GNG12: variants seen among roughly 807,000 people sequenced by gnomAD.
The protein encoded by GNG12 is guanine nucleotide-binding protein G(I)/G(S)/G(O) subunit gamma-12.
For synonymous variants in GNG12, 28 were observed against 29.7 expected, an observed-to-expected ratio of 0.94 and a Z score of 0.19; for missense variants, 69 against 83.8, an observed-to-expected ratio of 0.82 and a Z score of 0.69.
At chr1:67,706,961 A>G (rs970983172) in intron 3 of GNG12, among the ~76,000 whole-genome samples, 4 of 152,130 alleles carry the variant, frequency 2.6e-5, no homozygotes, top group African/African-American at 9.7e-5. Context: ...CGCCTGGCCA[A>G]CTGCTTCAGT....
chr1:67,809,257 C>T (rs1278640635), intron 1 of GNG12, among the ~76,000 whole-genome samples: 1 of 152,124 alleles, frequency 6.6e-6, no homozygotes, highest in Non-Finnish European at 1.5e-5. Context: ...AGAATCTAGA[C>T]ACAGACCTAT....
chr1:67,790,848 T>C (rs560866997), intron 1 of GNG12, among the ~76,000 whole-genome samples: 1 of 152,126 alleles, frequency 6.6e-6, no homozygotes, highest in South Asian at 2.1e-4. Context: ...ACTCCTGACC[T>C]CGTGATCTAC....
At chr1:67,770,005 C>T (rs1261906405) in intron 2 of GNG12, among the ~76,000 whole-genome samples, 4 of 152,080 alleles carry the variant, frequency 2.6e-5, no homozygotes, top group Admixed American at 2.6e-4. Context: ...AAGCTCCTCA[C>T]CAGATGAAGG....
At chr1:67,832,789 A>C (rs1647055674) in intron 1 of GNG12, among the ~76,000 whole-genome samples, 1 of 148,162 alleles carries the variant, frequency 6.7e-6, no homozygotes, top group African/African-American at 2.5e-5. Context: ...AGCGGATTCC[A>C]AGGCTGCGCT....
intron 2 of GNG12, among the ~76,000 whole-genome samples, chr1:67,709,976 ATATATATATAGT>A (rs1646277421): frequency 6.3e-5 from 1 of 15,836 alleles, no homozygotes; most frequent in African/African-American, 2.2e-4. Flanking sequence ...ATATATAGTT[ATATATATATAGT>A]TATATATATA....
chr1:67,759,569 A>G (rs190758088), intron 2 of GNG12, among the ~76,000 whole-genome samples: 1 of 152,316 alleles, frequency 6.6e-6, no homozygotes, highest in African/African-American at 2.4e-5. Flanking sequence ...CATAAGAACT[A>G]TATGTACCTC....
intron 2 of GNG12, among the ~76,000 whole-genome samples, chr1:67,767,918 C>A (rs984641642): frequency 1.3e-5 from 2 of 152,174 alleles, no homozygotes; most frequent in African/African-American, 2.4e-5. Flanking sequence ...CCATTTATCA[C>A]AAAAAACAGT....
At chr1:67,707,762 T>A in intron 2 of GNG12, 50 bp from the exon 3 acceptor site, 1 of 855,388 alleles carries the variant, frequency 1.2e-6, no homozygotes, top group Non-Finnish European at 1.9e-6. Context: ...TTAAGTTATT[T>A]AAACATTCAT....
chr1:67,787,067 G>GTATA (rs201791724), intron 1 of GNG12, among the ~76,000 whole-genome samples: 2 of 146,000 alleles, frequency 1.4e-5, no homozygotes, highest in African/African-American at 5.4e-5. Context: ...GTGTGTGTGT[G>GTATA]TGTATAGTCC....
intron 1 of GNG12, among the ~76,000 whole-genome samples, chr1:67,807,498 GA>G (rs951142889): frequency 2.0e-5 from 3 of 148,164 alleles, no homozygotes; most frequent in Admixed American, 6.7e-5. Context: ...AAATTAAACA[GA>G]AAAAAAAATT....
intron 2 of GNG12, among the ~76,000 whole-genome samples, chr1:67,716,706 C>T (rs2100682646): frequency 6.6e-6 from 1 of 152,300 alleles, no homozygotes; most frequent in East Asian, 1.9e-4. Context: ...CAGCCAGAAG[C>T]ACTGAATACA....
chr1:67,767,418 A>G (rs1646647790), intron 2 of GNG12, among the ~76,000 whole-genome samples: 1 of 152,192 alleles, frequency 6.6e-6, no homozygotes, highest in African/African-American at 2.4e-5. Flanking sequence ...GTGAAAGGGA[A>G]CAAACTCCTC....
chr1:67,732,177 A>G (rs1242753477), intron 2 of GNG12, among the ~76,000 whole-genome samples: 1 of 152,266 alleles, frequency 6.6e-6, no homozygotes, highest in Non-Finnish European at 1.5e-5. Flanking sequence ...AAAAAAATGC[A>G]GTCATAAAGG....
At chr1:67,773,055 T>A (rs1646684159) in intron 2 of GNG12, among the ~76,000 whole-genome samples, 4 of 152,168 alleles carry the variant, frequency 2.6e-5, no homozygotes, top group African/African-American at 9.7e-5. Flanking sequence ...AGCATGGCCA[T>A]CCTAATCATA....
At chr1:67,741,289 C>G (rs189177460) in intron 2 of GNG12, among the ~76,000 whole-genome samples, 53 of 152,376 alleles carry the variant, frequency 3.5e-4, no homozygotes, top group African/African-American at 1.2e-3. Context: ...CCTGGCCATT[C>G]TGATTGCACA....
At chr1:67,764,725 A>G (rs1191027691) in intron 2 of GNG12, among the ~76,000 whole-genome samples, 1 of 152,198 alleles carries the variant, frequency 6.6e-6, no homozygotes, top group Non-Finnish European at 1.5e-5. Context: ...TCCTTCAATA[A>G]CCGGGGTGGT....
chr1:67,768,345 G>A (rs946808920), intron 2 of GNG12, among the ~76,000 whole-genome samples: 1 of 152,178 alleles, frequency 6.6e-6, no homozygotes, highest in South Asian at 2.1e-4. Context: ...GTGCCATGCT[G>A]CCTCAGCAGC....
chr1:67,759,928 ATACTGATACCCTG>A (rs1466531083), intron 2 of GNG12, among the ~76,000 whole-genome samples: 1 of 152,186 alleles, frequency 6.6e-6, no homozygotes, highest in Non-Finnish European at 1.5e-5. Flanking sequence ...TTTTAACCTG[ATACTGATACCCTG>A]TCCACTCTAC....
At position 67,701,505 on chromosome 1, in the gene GNG12, C is replaced by CAAGT. The variant is rs2100657004; in HGVS notation, c.*3942_*3945dup. On this transcript the variant is annotated 3_prime_UTR_variant, in exon 4 of 4. Coordinates refer to ENST00000370982, the MANE Select transcript of GNG12 (RefSeq NM_018841.6). ...TTTTATTCATTTATTGAGCAAAACA[C>CAAGT]AAGTAGGATGATACAATGAGGCACT... is the stretch of plus-strand genomic sequence containing the variant. 6.5e-6 allele frequency: 1 copy of CAAGT among 152,714 alleles called. No homozygotes were observed. The highest frequency in any genetic ancestry group is 6.5e-5 in the Admixed American group (1 of 15,302). 9.5% of individuals were successfully genotyped at this position (152,714 alleles called of 1,614,324 possible). A position where few individuals can be genotyped will look rare whatever the true frequency, so the allele number is the denominator to read the frequency against.
Sources: gnomAD v4.1 joint callset for allele counts (sites outside exome capture counted in the v4.1 genomes callset) on GRCh38, gnomAD v4.1.1 for gene constraint, MANE v1.5 for transcripts, NCBI Gene and HGNC (gene_info 2026-07-23, HGNC 2026-07-21) for gene names.